The following A2M variants were observed in gnomAD, a reference collection of about 807,000 sequenced individuals.
The protein encoded by A2M is C3 and PZP-like alpha-2-macroglobulin domain-containing protein 5.
A neutral mutation model predicts 183.9 loss-of-function variants in A2M; 128 were observed. The ratio of observed to expected loss-of-function variants is 0.70; its 90% confidence interval spans 0.60 to 0.81. The LOEUF (loss-of-function observed/expected upper bound fraction) is 0.81. Among genes scored for constraint, A2M ranks in the 30% least tolerant of loss-of-function variants. The pLI is 0.00. For missense variants in A2M, 1,495 were observed against 1,787.6 expected, an observed-to-expected ratio of 0.84 and a Z score of 2.95; for synonymous variants, 592 against 670.8, an observed-to-expected ratio of 0.88 and a Z score of 1.81.
intron 22 of A2M, among the ~76,000 whole-genome samples, chr12:9,088,557 C>A (rs754859880): frequency 2.0e-5 from 3 of 152,068 alleles, no homozygotes; most frequent in African/African-American, 7.2e-5. Flanking sequence ...GAAAAACATA[C>A]TAAATTTGTA....
intron 23 of A2M, 63 bp downstream of exon 23, chr12:9,080,031 G>T: frequency 9.1e-7 from 1 of 1,096,640 alleles, no homozygotes; most frequent in Non-Finnish European, 1.3e-6. Flanking sequence ...AATATTTATG[G>T]GAAATAAAAA....
intron 31 of A2M, 123 bp downstream of exon 31, chr12:9,072,236 T>A: frequency 8.9e-7 from 1 of 1,129,294 alleles, no homozygotes; most frequent in African/African-American, 1.6e-5. Flanking sequence ...CTTAAGAGAA[T>A]ACATTGCATT....
At chr12:9,090,969 C>T (rs1028518959) in intron 19 of A2M, among the ~76,000 whole-genome samples, 2 of 151,984 alleles carry the variant, frequency 1.3e-5, no homozygotes, top group Non-Finnish European at 2.9e-5. Context: ...CTTTTGTCAC[C>T]CCTGTCAGAA....
chr12:9,077,457 T>G, intron 26 of A2M, 37 bp from the exon 27 acceptor site: 1 of 1,578,064 alleles, frequency 6.3e-7, no homozygotes, highest in Non-Finnish European at 8.7e-7. Flanking sequence ...TAATTCAACT[T>G]CTGAGAATGC....
At chr12:9,089,314 G>A in intron 21 of A2M, 63 bp from the exon 22 acceptor site, 1 of 1,152,624 alleles carries the variant, frequency 8.7e-7, no homozygotes, top group Non-Finnish European at 1.3e-6. Context: ...GTGTTTTAAT[G>A]GAGGGACCAC....
intron 18 of A2M, 108 bp downstream of exon 18, chr12:9,093,354 ATGT>A (rs758278345): frequency 5.6e-6 from 4 of 708,834 alleles, no homozygotes; most frequent in Non-Finnish European, 9.9e-6. Flanking sequence ...TCAAAACATC[ATGT>A]TGTACATCAT....
chr12:9,096,685 A>C (rs1263817789), intron 15 of A2M, among the ~76,000 whole-genome samples: 1 of 152,228 alleles, frequency 6.6e-6, no homozygotes, highest in Non-Finnish European at 1.5e-5. Context: ...AAACTGATTG[A>C]CAAGAACAGA....
chr12:9,114,687 A>G lies in A2M; in HGVS notation c.86+1077T>C, dbSNP rs975158437. On this transcript the variant is annotated intron_variant, in intron 1 of 35. Transcript: ENST00000318602. ...TTGTCAAGCATCTATACATATACGT[A>G]TGTATACTTATGTTCACATATATAC... Among the ~76,000 whole-genome samples the G allele has an allele frequency of 5.1e-4, 78 of 151,524 alleles. No homozygotes were observed. The Middle Eastern group carries it at 0.014, about 27-fold the overall frequency.
chr12:9,095,015 A>G lies in A2M; in HGVS notation c.2083T>C (p.Tyr695His). The change falls in exon 17 of 36, where the codon TAT becomes CAT. Residue 695 changes from tyrosine (Y) to histidine (H), a missense_variant. Transcript: ENST00000318602. Reference sequence around the variant, plus strand: ...AGACCTTCAGGTCCATGCATTTCATACTGTTGAAGCTGTGGACACATTTTG... The same window carrying G: ...AGACCTTCAGGTCCATGCATTTCATGCTGTTGAAGCTGTGGACACATTTTG... ...KPKMCPQLQQ[Y>H]EMHGPEGLRV... is the part of the protein sequence containing the mutation. 6.3e-7 allele frequency: 1 copy of G among 1,593,464 alleles called. No homozygotes were observed. Among genetic ancestry groups the G allele is most frequent in the East Asian group, 2.3e-5 (1 of 44,256 alleles).
At chr12:9,115,989 T>C (rs226379), upstream of A2M, 235,667 of 721,202 alleles carry the variant, frequency 0.33, 41,603 homozygotes, top group African/African-American at 0.41. Flanking sequence ...CCACACAAGA[T>C]CTCTAAACAA....
chr12:9,102,746 AG>A lies in A2M; in HGVS notation c.1267-1073del, dbSNP rs1426720323. On this transcript the variant is annotated intron_variant, in intron 11 of 35. Transcript: ENST00000318602. The stretch of plus-strand genomic sequence containing the variant: ...CAACACATATATGATCACCCCAAAC[AG>A]GGAACAGGTAGAAATAATAATTTCA... Among the ~76,000 whole-genome samples the A allele has an allele frequency of 2.6e-5, 4 of 152,230 alleles. No individual in the cohort carries two copies. The East Asian group carries it at 7.7e-4, about 29-fold the overall frequency.
At chr12:9,093,622 TA>T in intron 17 of A2M, 43 bp from the exon 18 acceptor site, 1 of 1,099,042 alleles carries the variant, frequency 9.1e-7, no homozygotes, top group South Asian at 2.1e-5. Flanking sequence ...AACATACAGA[TA>T]AAGCTTATGA....
rs746691719 is a variant in A2M at position 9,074,645 on chromosome 12, G to T, written c.3671C>A (p.Thr1224Asn). Residue 1224 changes from threonine to asparagine, a missense_variant, in exon 29 of 36, where the codon ACC becomes AAC. Coordinates refer to ENST00000318602, the MANE Select transcript of A2M (RefSeq NM_000014.6). ...LAYLTAQPAP[T>N]SEDLTSATNI... is the part of the protein sequence containing the mutation. ...GGTTGCAGAGGTCAGGTCCTCCGAGGTTGGGGCTGGCTGGGCCGTGAGATA... is the reference window on the plus strand; with the variant it reads ...GGTTGCAGAGGTCAGGTCCTCCGAGTTTGGGGCTGGCTGGGCCGTGAGATA... 5.6e-6 allele frequency: 9 copies of T among 1,614,022 alleles called. No individual in the cohort carries two copies. The East Asian group carries it at 2.0e-4, about 36-fold the overall frequency.
At chr12:9,093,340 T>C in intron 18 of A2M, 125 bp downstream of exon 18, 1 of 661,636 alleles carries the variant, frequency 1.5e-6, no homozygotes. Context: ...TGTATATATA[T>C]ATATCAAAAC....
intron 5 of A2M, 96 bp from the exon 6 acceptor site, chr12:9,110,131 T>G (rs226386): frequency 0.5 from 670,695 of 1,354,412 alleles, 173,023 homozygotes; most frequent in African/African-American, 0.76. Context: ...TACAAAAAGG[T>G]CAAATGGGGT....
At chr12:9,087,480 T>C (rs1489748869) in intron 22 of A2M, among the ~76,000 whole-genome samples, 1 of 151,934 alleles carries the variant, frequency 6.6e-6, no homozygotes, top group Non-Finnish European at 1.5e-5. Context: ...GAGCAGAGAG[T>C]AGAATGGTGG....
intron 27 of A2M, 68 bp downstream of exon 27, chr12:9,077,278 A>G: frequency 7.2e-7 from 1 of 1,393,070 alleles, no homozygotes; most frequent in Non-Finnish European, 1.0e-6. Flanking sequence ...ATAGTATTTC[A>G]GACAGCAGGT....
intron 16 of A2M, among the ~76,000 whole-genome samples, chr12:9,095,306 A>G (rs1373675937): frequency 6.6e-6 from 1 of 152,236 alleles, no homozygotes; most frequent in Non-Finnish European, 1.5e-5. Flanking sequence ...TTTAATAAAC[A>G]TCACAGAGCA....
At chr12:9,099,966 T>C (rs1467876665) in intron 13 of A2M, among the ~76,000 whole-genome samples, 1 of 152,250 alleles carries the variant, frequency 6.6e-6, no homozygotes, top group Non-Finnish European at 1.5e-5. Flanking sequence ...TTGATGCCTA[T>C]GTAGATTCTT....
Sources: allele counts gnomAD v4.1 joint callset (sites outside exome capture counted in the v4.1 genomes callset), GRCh38; gene constraint gnomAD v4.1.1; transcripts MANE v1.5; gene names NCBI Gene and HGNC (gene_info 2026-07-23, HGNC 2026-07-21).